SLIT3: variants seen among roughly 807,000 people sequenced by gnomAD.
SLIT3 encodes the protein slit guidance ligand 3.
In SLIT3, 68 loss-of-function variants were observed where a neutral mutation model predicts 184.0. That is an observed-to-expected ratio of 0.37 (90% CI 0.30 to 0.45). SLIT3 has a LOEUF of 0.45. Ranked by LOEUF, SLIT3 falls within the 20% of genes least tolerant of loss-of-function variation. The probability of loss-of-function intolerance (pLI) is 1.00; values close to 1 mark genes in which losing one functional copy is unlikely to be tolerated. For missense variants in SLIT3, 1,707 were observed against 2,026.0 expected (o/e 0.84, Z 3.02); for synonymous variants, 831 against 828.6 (o/e 1.00, Z -0.05).
At chr5:169,251,734 C>T (rs1432872929) in intron 1 of SLIT3, among the ~76,000 whole-genome samples, 1 of 152,168 alleles carries the variant, frequency 6.6e-6, no homozygotes, top group Non-Finnish European at 1.5e-5. Context: ...TTCCCCTCCC[C>T]CAACTCTCAG....
At chr5:169,195,267 A>G (rs1305212804) in intron 3 of SLIT3, among the ~76,000 whole-genome samples, 1 of 152,010 alleles carries the variant, frequency 6.6e-6, no homozygotes, top group Admixed American at 6.6e-5. Context: ...TCCTAGGTCT[A>G]TGGACAACAA....
chr5:168,785,850 A>T lies in SLIT3; in HGVS notation c.1151+57T>A. On this transcript the variant is annotated intron_variant, in intron 12 of 35. Coordinates refer to ENST00000519560, the MANE Select transcript of SLIT3 (RefSeq NM_003062.4). ...CTCCAGAGCATGGCTCAACGTTTTCAGGTGGGAGCCTTCCGACAGTACCAA... is the reference window on the plus strand; with the variant it reads ...CTCCAGAGCATGGCTCAACGTTTTCTGGTGGGAGCCTTCCGACAGTACCAA... 3.1e-6 allele frequency: 4 copies of T among 1,271,914 alleles called. No homozygotes were observed. The Admixed American group carries it at 5.2e-5, about 17-fold the overall frequency. 78.8% of individuals were successfully genotyped at this position (1,271,914 alleles called of 1,614,324 possible).
chr5:169,271,231 T>C (rs1455551524), intron 1 of SLIT3, among the ~76,000 whole-genome samples: 1 of 152,178 alleles, frequency 6.6e-6, no homozygotes, highest in Non-Finnish European at 1.5e-5. Flanking sequence ...TGCCATGTCA[T>C]GTGCTACTCC....
intron 4 of SLIT3, among the ~76,000 whole-genome samples, chr5:169,064,219 T>C (rs1758272159): frequency 6.6e-6 from 1 of 152,198 alleles, no homozygotes; most frequent in Non-Finnish European, 1.5e-5. Context: ...CTGAAAGGAC[T>C]CTAACTGAAG....
At chr5:169,128,341 C>A (rs185696406) in intron 4 of SLIT3, among the ~76,000 whole-genome samples, 5 of 150,862 alleles carry the variant, frequency 3.3e-5, no homozygotes, top group African/African-American at 1.2e-4. Context: ...AAACACTGCC[C>A]TAAGAAATCA....
chr5:169,064,196 C>T (rs992459668), intron 4 of SLIT3, among the ~76,000 whole-genome samples: 1 of 152,190 alleles, frequency 6.6e-6, no homozygotes, highest in African/African-American at 2.4e-5. Context: ...CCCTGTGACC[C>T]ACCTCTGACT....
intron 4 of SLIT3, among the ~76,000 whole-genome samples, chr5:169,121,826 GACAGTATCCAGGAT>G (rs1760883895): frequency 6.6e-6 from 1 of 152,186 alleles, no homozygotes; most frequent in East Asian, 1.9e-4. Flanking sequence ...ACCCAGAGAT[GACAGTATCCAGGAT>G]AATGACGCAC....
At chr5:169,193,975 T>C (rs1314067123) in intron 3 of SLIT3, among the ~76,000 whole-genome samples, 1 of 152,060 alleles carries the variant, frequency 6.6e-6, no homozygotes, top group Non-Finnish European at 1.5e-5. Flanking sequence ...GGCTTACGCC[T>C]GTAATCCCAG....
chr5:169,084,442 CA>C (rs1284752988), intron 4 of SLIT3, among the ~76,000 whole-genome samples: 1 of 149,792 alleles, frequency 6.7e-6, no homozygotes, highest in Non-Finnish European at 1.5e-5. Context: ...AGGCATGCGC[CA>C]CCATGCCCAG....
chr5:169,186,198 G>T (rs1299721467), intron 4 of SLIT3, among the ~76,000 whole-genome samples: 1 of 152,090 alleles, frequency 6.6e-6, no homozygotes, highest in Non-Finnish European at 1.5e-5. Flanking sequence ...TGTTAAAGTG[G>T]CTATCAGGTT....
chr5:168,871,413 T>C (rs1426159102), intron 5 of SLIT3, among the ~76,000 whole-genome samples: 1 of 152,108 alleles, frequency 6.6e-6, no homozygotes, highest in African/African-American at 2.4e-5. Flanking sequence ...ATAGCGGAGC[T>C]GGGACTCCTC....
chr5:169,181,740 CAAA>C, intron 4 of SLIT3, among the ~76,000 whole-genome samples: 1 of 141,534 alleles, frequency 7.1e-6, no homozygotes, highest in African/African-American at 2.7e-5. Context: ...GACTTCATCT[CAAA>C]AAAAAAAAAA....
intron 4 of SLIT3, among the ~76,000 whole-genome samples, chr5:168,907,417 C>G (rs1761086666): frequency 6.6e-6 from 1 of 152,208 alleles, no homozygotes; most frequent in Non-Finnish European, 1.5e-5. Context: ...GTTAGAGGGC[C>G]TTTCTTTCTT....
At chr5:168,909,020 C>T (rs969263888) in intron 4 of SLIT3, among the ~76,000 whole-genome samples, 6 of 152,170 alleles carry the variant, frequency 3.9e-5, no homozygotes, top group African/African-American at 1.2e-4. Flanking sequence ...ACCAGGTACC[C>T]GCCAGGCTTC....
intron 4 of SLIT3, among the ~76,000 whole-genome samples, chr5:169,039,333 T>G (rs1581340170): frequency 7.3e-6 from 1 of 137,332 alleles, no homozygotes; most frequent in Admixed American, 7.4e-5. Context: ...TTTTTTTTTT[T>G]TGAGATGCAG....
intron 4 of SLIT3, among the ~76,000 whole-genome samples, chr5:169,109,518 A>G (rs1760335738): frequency 6.6e-6 from 1 of 152,232 alleles, no homozygotes; most frequent in African/African-American, 2.4e-5. Flanking sequence ...GACACATAGA[A>G]ATGTGAGATA....
chr5:169,275,624 A>G (rs1331755429), intron 1 of SLIT3, among the ~76,000 whole-genome samples: 1 of 152,140 alleles, frequency 6.6e-6, no homozygotes, highest in African/African-American at 2.4e-5. Flanking sequence ...CACTTCTTAT[A>G]TGACAGCAGC....
chr5:168,774,453 G>A lies in SLIT3; in HGVS notation c.1152-75C>T, dbSNP rs1755670394. On this transcript the variant is annotated intron_variant, in intron 12 of 35. Transcript: ENST00000519560. ...GCGGGGCAAGGGTTGCACCTGCAGG[G>A]GATGGGCTGCAAAGCTCCCATCACT... The A allele has an allele frequency of 2.8e-6, 4 of 1,451,728 alleles. No individual in the cohort carries two copies. In the South Asian group the frequency reaches 4.0e-5, roughly 14 times the overall value. The allele number at this position is 1,451,728 out of a possible 1,614,324, so 89.9% of individuals were successfully genotyped here. A position where few individuals can be genotyped will look rare whatever the true frequency, so the allele number is the denominator to read the frequency against.
At chr5:169,044,334 A>C (rs1039750601) in intron 4 of SLIT3, among the ~76,000 whole-genome samples, 7 of 152,230 alleles carry the variant, frequency 4.6e-5, no homozygotes, top group African/African-American at 1.7e-4. Context: ...AGAAACTTGC[A>C]TATCATTGTT....
Sources: allele counts gnomAD v4.1 joint callset (sites outside exome capture counted in the v4.1 genomes callset), GRCh38; gene constraint gnomAD v4.1.1; transcripts MANE v1.5; gene names NCBI Gene and HGNC (gene_info 2026-07-23, HGNC 2026-07-21).